TBC1D22A: variants seen among roughly 807,000 people sequenced by gnomAD.
TBC1D22A encodes putative GTPase activator.
TBC1D22A carries 38 observed loss-of-function variants against 60.2 expected under a neutral mutation model. The ratio of observed to expected loss-of-function variants is 0.63; its 90% CI spans 0.49 to 0.83. The LOEUF (loss-of-function observed/expected upper bound fraction) is 0.83, where lower values mean the gene tolerates loss of function less well. Ranked by LOEUF, TBC1D22A falls within the 40% of genes least tolerant of loss-of-function variation. TBC1D22A has a pLI of 0.00. For synonymous variants in TBC1D22A, 302 were observed against 281.7 expected, an observed-to-expected ratio of 1.07 and a Z score of -0.72; for missense variants, 628 against 701.0, an observed-to-expected ratio of 0.90 and a Z score of 1.18.
At chr22:46,896,804 C>G (rs738934) in intron 7 of TBC1D22A, among the ~76,000 whole-genome samples, 89,473 of 151,928 alleles carry the variant, frequency 0.59, 28,223 homozygotes, top group Middle Eastern at 0.78. Flanking sequence ...GCCAGTCCCA[C>G]CCCTTGCTCT....
chr22:47,144,076 AG>A (rs1032625014), intron 12 of TBC1D22A, among the ~76,000 whole-genome samples: 2 of 152,202 alleles, frequency 1.3e-5, no homozygotes, highest in African/African-American at 4.8e-5. Flanking sequence ...AGACGGTGTC[AG>A]GGGATCCTGT....
chr22:46,787,161 A>G (rs1263728896), intron 1 of TBC1D22A, among the ~76,000 whole-genome samples: 1 of 152,158 alleles, frequency 6.6e-6, no homozygotes, highest in Non-Finnish European at 1.5e-5. Flanking sequence ...TGTAAGGTTG[A>G]TAATAATGTC....
intron 4 of TBC1D22A, among the ~76,000 whole-genome samples, chr22:46,833,871 G>A (rs2147170960): frequency 6.6e-6 from 1 of 152,348 alleles, no homozygotes; most frequent in East Asian, 1.9e-4. Context: ...TTTGTGGGTT[G>A]AAGCAACCAT....
At chr22:46,932,516 A>G (rs1278469039) in intron 8 of TBC1D22A, among the ~76,000 whole-genome samples, 1 of 152,056 alleles carries the variant, frequency 6.6e-6, no homozygotes. Context: ...AATAAATGTT[A>G]TGCTTGCCTC....
chr22:46,909,295 T>TAC (rs142551402), intron 7 of TBC1D22A, among the ~76,000 whole-genome samples: 3,560 of 150,592 alleles, frequency 0.024, 105 homozygotes, highest in African/African-American at 0.068. Context: ...CCTATACACA[T>TAC]ACACACACAC....
intron 9 of TBC1D22A, among the ~76,000 whole-genome samples, chr22:46,995,107 G>A (rs547580243): frequency 4.6e-5 from 7 of 152,176 alleles, no homozygotes; most frequent in Non-Finnish European, 8.8e-5. Flanking sequence ...GCCAAATTCA[G>A]GAGGCCTCCA....
intron 10 of TBC1D22A, among the ~76,000 whole-genome samples, chr22:47,004,237 G>A (rs947715916): frequency 7.5e-6 from 1 of 132,588 alleles, no homozygotes; most frequent in Non-Finnish European, 1.6e-5. Context: ...CTATATACAC[G>A]CATCTGCCAT....
chr22:46,978,486 T>C (rs1172151599), intron 9 of TBC1D22A, among the ~76,000 whole-genome samples: 1 of 152,234 alleles, frequency 6.6e-6, no homozygotes, highest in Non-Finnish European at 1.5e-5. Flanking sequence ...ATGTCTAACT[T>C]AATAGAAGAA....
At chr22:47,128,620 ACT>A (rs2066576226) in intron 12 of TBC1D22A, among the ~76,000 whole-genome samples, 1 of 151,800 alleles carries the variant, frequency 6.6e-6, no homozygotes, top group East Asian at 2.0e-4. Context: ...TCGTTCCATG[ACT>A]CTGCTCACAG....
chr22:47,106,687 G>A (rs916433654), intron 11 of TBC1D22A, among the ~76,000 whole-genome samples: 3 of 150,576 alleles, frequency 2.0e-5, no homozygotes, highest in Admixed American at 1.3e-4. Flanking sequence ...GGTGCAAGAA[G>A]AAATAATGAG....
At chr22:47,142,218 C>G (rs866207314) in intron 12 of TBC1D22A, among the ~76,000 whole-genome samples, 2 of 150,378 alleles carry the variant, frequency 1.3e-5, no homozygotes, top group Non-Finnish European at 1.5e-5. Context: ...ATTCACCCAC[C>G]CACCCATTCA....
chr22:46,822,085 G>C (rs953996922), intron 4 of TBC1D22A, among the ~76,000 whole-genome samples: 1 of 151,754 alleles, frequency 6.6e-6, no homozygotes, highest in Non-Finnish European at 1.5e-5. Context: ...TTTCAGCTCC[G>C]TCAGGTCATT....
intron 11 of TBC1D22A, among the ~76,000 whole-genome samples, chr22:47,059,970 C>T (rs547292411): frequency 4.6e-5 from 7 of 152,298 alleles, no homozygotes; most frequent in African/African-American, 1.4e-4. Flanking sequence ...GCAGGAGCGT[C>T]GCACAGCCGC....
intron 1 of TBC1D22A, among the ~76,000 whole-genome samples, chr22:46,791,616 G>C (rs1337591937): frequency 6.6e-6 from 1 of 151,684 alleles, no homozygotes; most frequent in Non-Finnish European, 1.5e-5. Context: ...CACAGGGCCA[G>C]CCGTGGCTGA....
At chr22:46,971,443 A>G (rs1024370725) in intron 8 of TBC1D22A, among the ~76,000 whole-genome samples, 5 of 152,218 alleles carry the variant, frequency 3.3e-5, no homozygotes, top group African/African-American at 1.2e-4. Flanking sequence ...TTCTCAGAGG[A>G]AGCCTGCTGA....
chr22:46,849,172 G>C (rs999196608), intron 4 of TBC1D22A, among the ~76,000 whole-genome samples: 7 of 152,166 alleles, frequency 4.6e-5, no homozygotes, highest in Non-Finnish European at 1.0e-4. Context: ...TCTTTCTTCT[G>C]TGGCAATGCT....
Position 46,787,989 on chromosome 22 carries a change from T to C in TBC1D22A, c.63-4531T>C, listed in dbSNP as rs182290437. 4.9e-3 allele frequency among the ~76,000 whole-genome samples: 701 copies of C among 143,792 alleles called. 2 individuals carry two copies. The highest frequency in any genetic ancestry group is 8.1e-3 in the Non-Finnish European group (540 of 66,930). 94.3% of individuals were successfully genotyped at this position (143,792 alleles called of 152,430 possible). A position where few individuals can be genotyped will look rare whatever the true frequency, so the allele number is the denominator to read the frequency against. On this transcript the variant is annotated intron_variant, in intron 1 of 12. Transcript: ENST00000337137. Reference sequence around the variant, plus strand: ...TCTTACTCTGTCACCCAGGTTGGAGTGCAGGGGCGTGATCTCGGCTCACTG... The same window carrying C: ...TCTTACTCTGTCACCCAGGTTGGAGCGCAGGGGCGTGATCTCGGCTCACTG...
chr22:46,948,698 T>C (rs1351906268), intron 8 of TBC1D22A, among the ~76,000 whole-genome samples: 1 of 152,224 alleles, frequency 6.6e-6, no homozygotes, highest in Non-Finnish European at 1.5e-5. Flanking sequence ...AGCTGCAATT[T>C]CTCAAGAAGA....
chr22:47,152,910 A>G (rs2067562681), intron 12 of TBC1D22A, among the ~76,000 whole-genome samples: 1 of 152,142 alleles, frequency 6.6e-6, no homozygotes, highest in Admixed American at 6.5e-5. Flanking sequence ...CTGTGGGAGA[A>G]AAGCACTCGG....
Sources: allele counts gnomAD v4.1 joint callset (sites outside exome capture counted in the v4.1 genomes callset), GRCh38; gene constraint gnomAD v4.1.1; transcripts MANE v1.5; gene names NCBI Gene and HGNC (gene_info 2026-07-23, HGNC 2026-07-21).